PANK1: variants seen among roughly 807,000 people sequenced by gnomAD.
PANK1 encodes the protein pantothenate kinase 1.
In PANK1, 18 loss-of-function variants were observed where a neutral mutation model predicts 40.1. That is an observed-to-expected ratio of 0.45 (90% CI 0.31 to 0.67). The LOEUF (loss-of-function observed/expected upper bound fraction) is 0.67, where lower values mean the gene tolerates loss of function less well. PANK1 is among the 30% of genes least tolerant of loss of function. The pLI is 0.06. For missense variants in PANK1, 457 were observed against 599.6 expected (o/e 0.76, Z 2.48); for synonymous variants, 242 against 237.7 (o/e 1.02, Z -0.17).
intron 6 of PANK1, among the ~76,000 whole-genome samples, chr10:89,586,243 G>A (rs1028202405): frequency 1.3e-5 from 2 of 152,204 alleles, no homozygotes; most frequent in Admixed American, 6.5e-5. Context: ...TGGGCACCCT[G>A]TATTTTTTAT....
intron 3 of PANK1, among the ~76,000 whole-genome samples, 195 bp from the exon 4 acceptor site, chr10:89,594,184 T>C (rs1199401434): frequency 6.6e-6 from 1 of 152,042 alleles, no homozygotes; most frequent in Non-Finnish European, 1.5e-5. Context: ...AAAATAAACA[T>C]CAAGGAAAAT....
chr10:89,615,749 T>C (rs946011733), intron 1 of PANK1, among the ~76,000 whole-genome samples: 4 of 152,224 alleles, frequency 2.6e-5, no homozygotes, highest in Non-Finnish European at 5.9e-5. Flanking sequence ...AAAAATCTAA[T>C]GCTCTTCTAG....
chr10:89,637,975 C>T (rs1589821347), intron 1 of PANK1, among the ~76,000 whole-genome samples: 1 of 151,762 alleles, frequency 6.6e-6, no homozygotes. Flanking sequence ...AACAAAGATG[C>T]AAACACACAC....
At chr10:89,629,755 A>G (rs1044559875) in intron 1 of PANK1, among the ~76,000 whole-genome samples, 7 of 152,220 alleles carry the variant, frequency 4.6e-5, no homozygotes, top group African/African-American at 1.7e-4. Context: ...TTTGGATTAC[A>G]CAATTTGAAG....
chr10:89,607,871 G>A (rs977150254), intron 2 of PANK1, among the ~76,000 whole-genome samples: 2 of 152,102 alleles, frequency 1.3e-5, no homozygotes, highest in African/African-American at 2.4e-5. Context: ...CATCTTGAAA[G>A]CCACTTTTTA....
At chr10:89,594,865 T>C (rs1844516251) in intron 3 of PANK1, among the ~76,000 whole-genome samples, 1 of 152,186 alleles carries the variant, frequency 6.6e-6, no homozygotes, top group African/African-American at 2.4e-5. Flanking sequence ...GAGTAAAGTA[T>C]CGCCAGTGAA....
intron 4 of PANK1, 21 bp downstream of exon 4, chr10:89,593,792 T>C: frequency 1.9e-6 from 3 of 1,591,486 alleles, no homozygotes; most frequent in Admixed American, 1.7e-5. Context: ...TCACTACTGC[T>C]CCTAGCTACT....
chr10:89,644,089 A>C (rs1842040648), intron 1 of PANK1: 1 of 238,918 alleles, frequency 4.2e-6, no homozygotes, highest in Non-Finnish European at 8.1e-6. Flanking sequence ...GGGGTAGTTA[A>C]ACTCCACGCC....
At chr10:89,607,338 C>T (rs1283846184) in intron 2 of PANK1, among the ~76,000 whole-genome samples, 1 of 152,224 alleles carries the variant, frequency 6.6e-6, no homozygotes, top group Non-Finnish European at 1.5e-5. Flanking sequence ...GAACACACAA[C>T]ATTTATCAAT....
intron 2 of PANK1, among the ~76,000 whole-genome samples, chr10:89,607,442 A>G (rs1031452617): frequency 1.3e-5 from 2 of 152,222 alleles, no homozygotes; most frequent in African/African-American, 4.8e-5. Context: ...TAACAGATAC[A>G]ATAATAATTA....
At chr10:89,607,121 T>C (rs970942055) in intron 2 of PANK1, among the ~76,000 whole-genome samples, 4 of 152,282 alleles carry the variant, frequency 2.6e-5, no homozygotes, top group Non-Finnish European at 5.9e-5. Context: ...GTTTTCACCA[T>C]GCCTTTCTCA....
intron 1 of PANK1, among the ~76,000 whole-genome samples, chr10:89,634,794 TCCACAGTC>T (rs1320283383): frequency 1.3e-5 from 2 of 152,136 alleles, no homozygotes; most frequent in Admixed American, 1.3e-4. Context: ...TCAAATAAAT[TCCACAGTC>T]CTCTTATTCA....
At chr10:89,634,964 C>T (rs1039828143) in intron 1 of PANK1, among the ~76,000 whole-genome samples, 9 of 152,010 alleles carry the variant, frequency 5.9e-5, no homozygotes, top group African/African-American at 1.7e-4. Flanking sequence ...AGGTGATATC[C>T]GATCAGGTTG....
rs762326668 is a variant in PANK1 at position 89,645,089 on chromosome 10, C to A, written c.-198G>T. The A allele has an allele frequency of 3.1e-5, 47 of 1,494,844 alleles. No homozygotes were observed. The highest frequency in any genetic ancestry group is 4.1e-5 in the Non-Finnish European group (46 of 1,130,774). The allele number at this position is 1,494,844 out of a possible 1,614,324, so 92.6% of individuals were successfully genotyped here. ...CCCACCTCCTCTGCGCCCTGCCCCC[C>A]GCGCGCCGGCCCCACGGCGCCGGCC... On this transcript the variant is annotated 5_prime_UTR_variant, in exon 1 of 7. Transcript: ENST00000307534.
At chr10:89,633,609 A>C (rs751762307) in intron 1 of PANK1, among the ~76,000 whole-genome samples, 20 of 152,030 alleles carry the variant, frequency 1.3e-4, no homozygotes, top group Non-Finnish European at 2.8e-4. Flanking sequence ...TCAAGTACTG[A>C]CTCACACACA....
chr10:89,629,786 G>A (rs886743998), intron 1 of PANK1, among the ~76,000 whole-genome samples: 5 of 152,198 alleles, frequency 3.3e-5, no homozygotes, highest in Admixed American at 6.5e-5. Context: ...TTCAGAGACA[G>A]CAGCTGCAAA....
chr10:89,612,855 G>A (rs940238900), intron 1 of PANK1, among the ~76,000 whole-genome samples: 5 of 152,074 alleles, frequency 3.3e-5, no homozygotes, highest in African/African-American at 1.2e-4. Flanking sequence ...TTTAATTCAG[G>A]CATGGCATCC....
At chr10:89,608,072 C>T (rs544028075) in intron 2 of PANK1, among the ~76,000 whole-genome samples, 30 of 150,318 alleles carry the variant, frequency 2.0e-4, no homozygotes, top group Non-Finnish European at 4.1e-4. Context: ...GGCCTCGTCG[C>T]CCCGGCTGGA....
intron 1 of PANK1, among the ~76,000 whole-genome samples, chr10:89,614,960 A>G (rs1845273724): frequency 6.6e-6 from 1 of 152,100 alleles, no homozygotes. Flanking sequence ...GGAAGGGAGA[A>G]GAGAAGAAAG....
Sources: allele counts gnomAD v4.1 joint callset (sites outside exome capture counted in the v4.1 genomes callset), GRCh38; gene constraint gnomAD v4.1.1; transcripts MANE v1.5; gene names NCBI Gene and HGNC (gene_info 2026-07-23, HGNC 2026-07-21).